Variants in SLCO3A1 observed in about 807,000 individuals in gnomAD.
SLCO3A1 encodes solute carrier organic anion transporter family member 3A1.
In SLCO3A1, 27 loss-of-function variants were observed where a neutral mutation model predicts 63.1. That is an observed-to-expected ratio of 0.43 (90% CI 0.32 to 0.59). The LOEUF is 0.59. Ranked by LOEUF, SLCO3A1 falls within the 20% of genes least tolerant of loss-of-function variation. The probability of loss-of-function intolerance (pLI) is 0.09; values close to 1 mark genes in which losing one functional copy is unlikely to be tolerated. For missense variants in SLCO3A1, 773 were observed against 945.8 expected, an observed-to-expected ratio of 0.82 and a Z score of 2.40; for synonymous variants, 473 against 409.9, an observed-to-expected ratio of 1.15 and a Z score of -1.86.
intron 2 of SLCO3A1, among the ~76,000 whole-genome samples, chr15:92,054,389 T>C (rs1288359922): frequency 6.6e-6 from 1 of 152,226 alleles, no homozygotes; most frequent in African/African-American, 2.4e-5. Context: ...AGTGAATCTT[T>C]AGTCAAGCAA....
intron 2 of SLCO3A1, among the ~76,000 whole-genome samples, chr15:91,925,799 A>G (rs1898993028): frequency 6.6e-6 from 1 of 152,212 alleles, no homozygotes; most frequent in Admixed American, 6.5e-5. Context: ...TACAGAGAAA[A>G]GTAGACCAAG....
intron 2 of SLCO3A1, among the ~76,000 whole-genome samples, chr15:91,946,840 C>T (rs1304790524): frequency 6.6e-6 from 1 of 152,196 alleles, no homozygotes. Flanking sequence ...CGAGGAAGGG[C>T]AGGTCGGCGT....
chr15:92,051,209 G>A (rs555771534), intron 2 of SLCO3A1, among the ~76,000 whole-genome samples: 314 of 152,316 alleles, frequency 2.1e-3, no homozygotes, highest in Non-Finnish European at 3.7e-3. Context: ...CAGGGCAGTG[G>A]TAACATTTGA....
intron 1 of SLCO3A1, among the ~76,000 whole-genome samples, chr15:91,877,102 C>A (rs971560838): frequency 7.2e-5 from 11 of 152,182 alleles, no homozygotes; most frequent in Non-Finnish European, 1.3e-4. Flanking sequence ...TGATTTATTT[C>A]TTGATCTTTA....
At chr15:92,106,004 A>G (rs111952020) in intron 4 of SLCO3A1, among the ~76,000 whole-genome samples, 2 of 152,196 alleles carry the variant, frequency 1.3e-5, no homozygotes, top group Admixed American at 6.5e-5. Flanking sequence ...CCCTGCGATC[A>G]TTAACTGCCC....
At chr15:91,890,292 C>T (rs1897838883) in intron 1 of SLCO3A1, among the ~76,000 whole-genome samples, 1 of 152,218 alleles carries the variant, frequency 6.6e-6, no homozygotes, top group Admixed American at 6.5e-5. Context: ...TCACCATACT[C>T]ATCCATTTTC....
chr15:92,036,212 A>C (rs1289341247), intron 2 of SLCO3A1, among the ~76,000 whole-genome samples: 1 of 152,214 alleles, frequency 6.6e-6, no homozygotes, highest in Non-Finnish European at 1.5e-5. Flanking sequence ...TGCCTGGAGC[A>C]CATTCTTTTC....
chr15:92,155,704 C>T (rs2048362316), intron 9 of SLCO3A1, among the ~76,000 whole-genome samples: 1 of 149,290 alleles, frequency 6.7e-6, no homozygotes, highest in Admixed American at 6.6e-5. Context: ...ATGGGAGCCA[C>T]ATAAGAGACA....
intron 2 of SLCO3A1, among the ~76,000 whole-genome samples, chr15:91,985,524 G>A (rs1485067869): frequency 6.6e-6 from 1 of 152,226 alleles, no homozygotes; most frequent in African/African-American, 2.4e-5. Flanking sequence ...TTCATTGTTA[G>A]TAATACTGCC....
rs1897740045 is a variant in SLCO3A1 at position 91,886,987 on chromosome 15, C to T, written c.181-29006C>T. Among the ~76,000 whole-genome samples the T allele has an allele frequency of 6.6e-6, 1 of 152,178 alleles. No individual in the cohort carries two copies. Among genetic ancestry groups the T allele is most frequent in the African/African-American group, 2.4e-5 (1 of 41,434 alleles). Reference sequence around the variant, plus strand: ...GGAGTTTATTCTCCCCTCTTTGTTTCTGCCTGTGTCTGTATATTGGCCAAG... The same window carrying T: ...GGAGTTTATTCTCCCCTCTTTGTTTTTGCCTGTGTCTGTATATTGGCCAAG... On this transcript the variant is annotated intron_variant, in intron 1 of 9. Transcript: ENST00000318445. This position sits in a 1 kb window ranked among gnomAD's most constrained non-coding sequence, Gnocchi z 4.9.
chr15:91,992,273 T>C (rs2046135908), intron 2 of SLCO3A1, among the ~76,000 whole-genome samples: 1 of 152,206 alleles, frequency 6.6e-6, no homozygotes, highest in South Asian at 2.1e-4. Flanking sequence ...GACCACTTCA[T>C]CATTCAATCA....
At chr15:92,013,563 G>A (rs183616726) in intron 2 of SLCO3A1, among the ~76,000 whole-genome samples, 116 of 152,290 alleles carry the variant, frequency 7.6e-4, no homozygotes, top group African/African-American at 2.7e-3. Flanking sequence ...GCCACCCGCC[G>A]AGTTAGGTTA....
At chr15:91,958,734 T>C (rs1402378907) in intron 2 of SLCO3A1, among the ~76,000 whole-genome samples, 1 of 152,204 alleles carries the variant, frequency 6.6e-6, no homozygotes, top group Non-Finnish European at 1.5e-5. Flanking sequence ...ACCTTACTTC[T>C]GCAAGAATGG....
intron 9 of SLCO3A1, chr15:92,162,303 A>C (rs763464541): frequency 9.5e-5 from 15 of 157,152 alleles, no homozygotes; most frequent in Non-Finnish European, 1.4e-4. Flanking sequence ...AACATGTACC[A>C]CAGTGCAAAT....
At chr15:91,979,724 C>T (rs1045959643) in intron 2 of SLCO3A1, among the ~76,000 whole-genome samples, 1 of 152,190 alleles carries the variant, frequency 6.6e-6, no homozygotes, top group Non-Finnish European at 1.5e-5. Flanking sequence ...ATAATAGTAT[C>T]TATGTCCTAA....
At chr15:91,956,993 G>GTATATATAT (rs370413709) in intron 2 of SLCO3A1, among the ~76,000 whole-genome samples, 1 of 7,970 alleles carries the variant, frequency 1.3e-4, no homozygotes, top group African/African-American at 1.4e-3. Context: ...ATAATATATA[G>GTATATATAT]TATATATTAT....
At chr15:92,019,231 G>C (rs2046476756) in intron 2 of SLCO3A1, among the ~76,000 whole-genome samples, 1 of 152,094 alleles carries the variant, frequency 6.6e-6, no homozygotes, top group Non-Finnish European at 1.5e-5. Context: ...CTGACTCTTG[G>C]CTCTACCACT....
intron 2 of SLCO3A1, among the ~76,000 whole-genome samples, chr15:92,031,116 G>A (rs1376205126): frequency 6.6e-6 from 1 of 152,078 alleles, no homozygotes; most frequent in African/African-American, 2.4e-5. Flanking sequence ...ACGCATTTCT[G>A]GTATCCGCTA....
intron 2 of SLCO3A1, among the ~76,000 whole-genome samples, chr15:92,022,766 G>C (rs1009158835): frequency 6.6e-6 from 1 of 152,184 alleles, no homozygotes; most frequent in Non-Finnish European, 1.5e-5. Context: ...GTTGGTTAGG[G>C]AATGCTTTCT....
Sources: gnomAD v4.1 joint callset for allele counts (sites outside exome capture counted in the v4.1 genomes callset) on GRCh38, gnomAD v4.1.1 for gene constraint, Gnocchi (gnomAD v3.1) non-coding constraint, MANE v1.5 for transcripts, NCBI Gene and HGNC (gene_info 2026-07-23, HGNC 2026-07-21) for gene names.